DOCK5: variants seen among roughly 807,000 people sequenced by gnomAD.
DOCK5 encodes dedicator of cytokinesis protein 5.
Under a neutral mutation model 251.8 loss-of-function variants are expected in DOCK5, and 142 were observed. The ratio of observed to expected loss-of-function variants is 0.56; its 90% confidence interval spans 0.49 to 0.65. The LOEUF is 0.65. Among genes scored for constraint, DOCK5 ranks in the 30% least tolerant of loss-of-function variants. DOCK5 has a pLI of 0.00. For synonymous variants in DOCK5, 842 were observed against 835.5 expected (o/e 1.01, Z -0.13); for missense variants, 2,111 against 2,312.3 (o/e 0.91, Z 1.79).
chr8:25,347,894 A>T (rs1379820871), intron 26 of DOCK5, among the ~76,000 whole-genome samples: 2 of 152,076 alleles, frequency 1.3e-5, no homozygotes, highest in Non-Finnish European at 2.9e-5. Context: ...CCTTCTCACC[A>T]CCCAGAAAGA....
chr8:25,275,092 A>G (rs748711631), intron 3 of DOCK5, among the ~76,000 whole-genome samples: 3 of 152,100 alleles, frequency 2.0e-5, no homozygotes, highest in Non-Finnish European at 4.4e-5. Flanking sequence ...GGAGTTCACA[A>G]TTACACTCCT....
intron 39 of DOCK5, among the ~76,000 whole-genome samples, chr8:25,380,861 GC>G (rs1265127141): frequency 1.3e-5 from 2 of 150,332 alleles, no homozygotes; most frequent in African/African-American, 5.0e-5. Flanking sequence ...AGTGGAGGCA[GC>G]CACCATTCCG....
At chr8:25,332,841 G>T in intron 20 of DOCK5, 149 bp downstream of exon 20, 1 of 617,940 alleles carries the variant, frequency 1.6e-6, no homozygotes. Context: ...ATTCCTAGAA[G>T]TACTATTAGA....
chr8:25,228,679 C>T (rs1474062612), intron 1 of DOCK5, among the ~76,000 whole-genome samples: 1 of 152,112 alleles, frequency 6.6e-6, no homozygotes, highest in Admixed American at 6.5e-5. Context: ...CATAAATATG[C>T]TGAGGCAAGT....
rs1007295127 is a variant in DOCK5 at position 25,292,027 on chromosome 8, A to G, written c.325A>G (p.Asn109Asp). 3.8e-6 allele frequency: 6 copies of G among 1,588,008 alleles called. No homozygotes were observed. Among genetic ancestry groups the G allele is most frequent in the Non-Finnish European group, 5.1e-6 (6 of 1,167,914 alleles). ...AVIWRKLYVN[N>D]KLTLFRQLQQ... is the part of the protein sequence containing the mutation. Reference sequence around the variant, plus strand: ...TCATCATATTTTCTCATCTTAGAACAACAAGCTCACCCTCTTCCGCCAGCT... The same window carrying G: ...TCATCATATTTTCTCATCTTAGAACGACAAGCTCACCCTCTTCCGCCAGCT... Residue 109 changes from asparagine (N) to aspartate (D), a missense_variant, in exon 6 of 52, where the codon AAC (asparagine) becomes GAC (aspartate). Physicochemically the swap from Asn to Asp is conservative, Grantham distance 23. Coordinates refer to ENST00000276440, the MANE Select transcript of DOCK5 (RefSeq NM_024940.8).
intron 3 of DOCK5, among the ~76,000 whole-genome samples, chr8:25,274,337 A>G (rs1803987759): frequency 6.6e-6 from 1 of 152,224 alleles, no homozygotes; most frequent in Non-Finnish European, 1.5e-5. Context: ...GGGAGCAGTT[A>G]GCCAACAGTG....
At position 25,341,732 on chromosome 8, in the gene DOCK5, C is replaced by T. The variant is rs551894071; in HGVS notation, c.2440-7C>T. 1.3e-6 allele frequency: 2 copies of T among 1,571,318 alleles called. No individual in the cohort carries two copies. Among genetic ancestry groups the T allele is most frequent in the South Asian group, 1.2e-5 (1 of 85,718 alleles). Reference sequence around the variant, plus strand: ...AACTGAATTTGCCTTTGGTGTTTTTCTTACAGGGGGCAGCTTTGAAGTACC... The same window carrying T: ...AACTGAATTTGCCTTTGGTGTTTTTTTTACAGGGGGCAGCTTTGAAGTACC... On this transcript the variant is annotated splice_polypyrimidine_tract_variant and splice_region_variant and intron_variant, in intron 23 of 51. Transcript: ENST00000276440.
intron 10 of DOCK5, among the ~76,000 whole-genome samples, chr8:25,303,993 C>T (rs547026663): frequency 1.3e-5 from 2 of 152,124 alleles, no homozygotes; most frequent in African/African-American, 2.4e-5. Context: ...TTTAGCAACT[C>T]GATCTTGTAG....
At chr8:25,297,076 GTATT>G (rs1410688212) in intron 7 of DOCK5, among the ~76,000 whole-genome samples, 3 of 151,912 alleles carry the variant, frequency 2.0e-5, no homozygotes, top group East Asian at 1.9e-4. Context: ...AAAATAAATA[GTATT>G]TATTTTTATT....
intron 40 of DOCK5, among the ~76,000 whole-genome samples, chr8:25,383,580 C>G (rs548445345): frequency 6.6e-6 from 1 of 152,318 alleles, no homozygotes; most frequent in South Asian, 2.1e-4. Context: ...GCATGTCGGA[C>G]GCAGTGGCTC....
chr8:25,230,315 A>T (rs1439520099), intron 1 of DOCK5, among the ~76,000 whole-genome samples: 1 of 152,104 alleles, frequency 6.6e-6, no homozygotes, highest in Non-Finnish European at 1.5e-5. Flanking sequence ...TTCCCAACCT[A>T]CTGAATCAGA....
intron 1 of DOCK5, among the ~76,000 whole-genome samples, chr8:25,223,240 G>A (rs111925691): frequency 0.089 from 13,475 of 151,912 alleles, 1,649 homozygotes; most frequent in African/African-American, 0.28. Context: ...TCCTGGCCTC[G>A]AGTGATCCTC....
At chr8:25,217,236 T>A (rs1453920324) in intron 1 of DOCK5, among the ~76,000 whole-genome samples, 1 of 150,782 alleles carries the variant, frequency 6.6e-6, no homozygotes, top group Non-Finnish European at 1.5e-5. Flanking sequence ...TATGTATATA[T>A]GTATACAATA....
At chr8:25,241,545 C>T (rs1802945767) in intron 1 of DOCK5, among the ~76,000 whole-genome samples, 2 of 152,092 alleles carry the variant, frequency 1.3e-5, no homozygotes, top group African/African-American at 4.8e-5. Context: ...CACTTTTACA[C>T]TGTTTTTGGG....
At chr8:25,185,913 C>T (rs1423894573) in intron 1 of DOCK5, among the ~76,000 whole-genome samples, 1 of 152,162 alleles carries the variant, frequency 6.6e-6, no homozygotes, top group African/African-American at 2.4e-5. Context: ...ATTACAATGG[C>T]AGTTAGACCT....
At chr8:25,365,001 C>G (rs144576842) in intron 30 of DOCK5, among the ~76,000 whole-genome samples, 2 of 152,132 alleles carry the variant, frequency 1.3e-5, no homozygotes, top group African/African-American at 4.8e-5. Flanking sequence ...TGGAGTTGAC[C>G]CTTTGTATAT....
intron 38 of DOCK5, among the ~76,000 whole-genome samples, chr8:25,377,908 TTC>T (rs1273602896): frequency 8.1e-6 from 1 of 123,474 alleles, no homozygotes; most frequent in African/African-American, 3.2e-5. Flanking sequence ...TTATTGGGGT[TTC>T]TTTTTTTTTT....
intron 2 of DOCK5, among the ~76,000 whole-genome samples, chr8:25,264,847 CA>C (rs111888112): frequency 0.22 from 32,985 of 151,286 alleles, 4,870 homozygotes; most frequent in African/African-American, 0.39. Flanking sequence ...ACAACAACAA[CA>C]AAAAAAACAT....
chr8:25,345,593 G>A lies in DOCK5; in HGVS notation c.2736G>A (p.Val912=). Residue 912 remains valine, a synonymous_variant, in exon 26 of 52, where the codon GTG becomes GTA. Transcript: ENST00000276440. ...SSQLLSNILE[V]LDRKDVGATA... ...AGCTTCTGAGCAACATCCTGGAGGT[G>A]CTGGACAGGAAGGATGTGGTGAGTT... 6.2e-7 allele frequency: 1 copy of A among 1,613,840 alleles called. No homozygotes were observed. The highest frequency in any genetic ancestry group is 1.1e-5 in the South Asian group (1 of 91,084).
Sources: gnomAD v4.1 joint callset for allele counts (sites outside exome capture counted in the v4.1 genomes callset) on GRCh38, gnomAD v4.1.1 for gene constraint, MANE v1.5 for transcripts, NCBI Gene and HGNC (gene_info 2026-07-23, HGNC 2026-07-21) for gene names.